ADAMTS7: variants seen among roughly 807,000 people sequenced by gnomAD.
ADAMTS7 encodes the protein ADAM metallopeptidase with thrombospondin type 1 motif 7, also known as A disintegrin and metalloproteinase with thrombospondin motifs 7.
In ADAMTS7, 89 loss-of-function variants were observed where a neutral mutation model predicts 172.6. The observed-to-expected ratio is 0.52, with a 90% CI of 0.43 to 0.61. The LOEUF is 0.61. Among genes scored for constraint, ADAMTS7 ranks in the 20% least tolerant of loss-of-function variants. The probability of loss-of-function intolerance (pLI) is 0.00; values close to 1 mark genes in which losing one functional copy is unlikely to be tolerated. For synonymous variants in ADAMTS7, 885 were observed against 978.4 expected (o/e 0.90, Z 1.78); for missense variants, 1,973 against 2,355.6 (o/e 0.84, Z 3.36).
intron 1 of ADAMTS7, among the ~76,000 whole-genome samples, chr15:78,808,299 C>T (rs964657223): frequency 6.6e-6 from 1 of 152,120 alleles, no homozygotes; most frequent in Non-Finnish European, 1.5e-5. Context: ...TGCAGTGGTG[C>T]GATCTCGGCT....
In ADAMTS7 at chr15:78,788,238, A is replaced by G; in HGVS notation, c.1315T>C (p.Phe439Leu). The change falls in exon 8 of 24, where the codon TTC (phenylalanine) becomes CTC (leucine). Residue 439 changes from phenylalanine to leucine, a missense_variant. Physicochemically the swap from Phe to Leu is conservative, Grantham distance 22. Coordinates refer to ENST00000388820, the MANE Select transcript of ADAMTS7 (RefSeq NM_014272.5). ...CAGGGCTGGGGGACTTACTCAAGGA[A>G]CCTGGTGATATACTGGCGGCTGCAG... ...SRCSRQYITR[F>L]LDRGWGLCLD... is the part of the protein sequence containing the mutation. The G allele has an allele frequency of 6.2e-7, 1 of 1,613,542 alleles. No individual in the cohort carries two copies. Among genetic ancestry groups the G allele is most frequent in the Non-Finnish European group, 8.5e-7 (1 of 1,179,960 alleles).
chr15:78,803,293 G>A (rs1273678628), intron 1 of ADAMTS7, among the ~76,000 whole-genome samples: 1 of 152,010 alleles, frequency 6.6e-6, no homozygotes, highest in Non-Finnish European at 1.5e-5. Flanking sequence ...CCAGGAGGTC[G>A]AGGCTGCAGT....
intron 8 of ADAMTS7, among the ~76,000 whole-genome samples, chr15:78,786,964 T>C (rs2055510152): frequency 6.6e-6 from 1 of 152,162 alleles, no homozygotes; most frequent in African/African-American, 2.4e-5. Flanking sequence ...ACTTAATGAA[T>C]ATCCACTTCC....
rs1012873436 is a variant in ADAMTS7 at position 78,763,684 on chromosome 15, C to T, written c.4740+15G>A. The T allele has an allele frequency of 1.7e-5, 26 of 1,520,222 alleles. No homozygotes were observed. Among genetic ancestry groups the T allele is most frequent in the East Asian group, 6.8e-5 (3 of 43,990 alleles). 94.2% of individuals were successfully genotyped at this position (1,520,222 alleles called of 1,614,324 possible). ...CAAGCACTTGCTCCCTGCTCCTCCC[C>T]GCAGCCCGGCTCACCTGGCCCCAGG... On this transcript the variant is annotated intron_variant, in intron 22 of 23. Transcript: ENST00000388820.
chr15:78,770,974 A>C, intron 16 of ADAMTS7, 188 bp downstream of exon 16: 1 of 789,944 alleles, frequency 1.3e-6, no homozygotes, highest in South Asian at 1.8e-5. Context: ...TGCCTCATCC[A>C]TGTACCCTCC....
chr15:78,787,558 G>A (rs1244165168), intron 8 of ADAMTS7, among the ~76,000 whole-genome samples: 1 of 152,154 alleles, frequency 6.6e-6, no homozygotes, highest in Non-Finnish European at 1.5e-5. Flanking sequence ...CAGCTACTCA[G>A]GAGGCTGAGG....
chr15:78,788,786 G>C (rs898505370), intron 7 of ADAMTS7, among the ~76,000 whole-genome samples: 4 of 152,226 alleles, frequency 2.6e-5, no homozygotes, highest in African/African-American at 9.7e-5. Context: ...TGAGTTAAGG[G>C]ATCTGAGCTG....
In ADAMTS7 at chr15:78,789,785, T is replaced by C. The variant is rs763029887; in HGVS notation, c.1082A>G (p.His361Arg). Residue 361 changes from histidine (H) to arginine (R), a missense_variant, in exon 7 of 24, where the codon CAT becomes CGT. Transcript: ENST00000388820. ...NRPCETLGLSHVAGMCQPHRS... is the reference protein window; with the variant it reads ...NRPCETLGLSRVAGMCQPHRS... ...GTGCGGCTGGCACATGCCCGCCACATGGGACAGTCCCAGGGTCTCACAGGG... is the reference window on the plus strand; with the variant it reads ...GTGCGGCTGGCACATGCCCGCCACACGGGACAGTCCCAGGGTCTCACAGGG... The C allele has an allele frequency of 1.2e-6, 2 of 1,609,740 alleles. No homozygotes were observed. The highest frequency in any genetic ancestry group is 1.7e-4 in the Middle Eastern group (1 of 6,022).
chr15:78,784,599 T>C lies in ADAMTS7; in HGVS notation c.1322+3632A>G, dbSNP rs558624243. 1.5e-3 allele frequency among the ~76,000 whole-genome samples: 224 copies of C among 152,226 alleles called. 1 individual carries two copies. The South Asian group carries it at 0.018, about 12-fold the overall frequency. ...TCAAGAACTGAAGGGCACAAGTTTC[T>C]AGATTAAAACAGTCCAATGAGTGCT... On this transcript the variant is annotated intron_variant, in intron 8 of 23. Transcript: ENST00000388820.
At chr15:78,762,275 G>A (rs2055057178) in intron 23 of ADAMTS7, 128 bp downstream of exon 23, 3 of 1,173,382 alleles carry the variant, frequency 2.6e-6, no homozygotes, top group Admixed American at 8.3e-5. Context: ...TGGCCATGTG[G>A]CTCCTGAGCC....
At position 78,774,276 on chromosome 15, in the gene ADAMTS7, C is replaced by T. The variant is rs781103969; in HGVS notation, c.1901G>A (p.Arg634Gln). Residue 634 changes from arginine to glutamine, a missense_variant, in exon 13 of 24, where the codon CGG becomes CAG. By Grantham distance (43) the Arg-to-Gln change is conservative. Around this residue, in one of 8 missense-constraint regions of ADAMTS7, gnomAD observed 526 missense variants for 662.9 expected, o/e 0.79. Coordinates refer to ENST00000388820, the MANE Select transcript of ADAMTS7 (RefSeq NM_014272.5). ...CTCGGCAAAGTACTCATTCGCGGGC[C>T]GGCAGTGCAGCTCGCAGGGGTTCAC... Reference protein sequence around the residue: ...NDVNPCELHCRPANEYFAEKL... With the variant: ...NDVNPCELHCQPANEYFAEKL... 1.8e-5 allele frequency: 28 copies of T among 1,575,800 alleles called. No homozygotes were observed. Among genetic ancestry groups the T allele is most frequent in the East Asian group, 4.5e-5 (2 of 44,136 alleles).
At position 78,796,755 on chromosome 15, in the gene ADAMTS7, A is replaced by C. The variant is rs145126404; in HGVS notation, c.654T>G (p.Arg218=). Residue 218 remains arginine, a synonymous_variant, in exon 4 of 24, where the codon CGT becomes CGG. Transcript: ENST00000388820. ...VYPELESRRE[R]WEQRQQWRRP... ...GCCGCCACTGCTGCCGCTGCTCCCA[A>C]CGCTCCCGTCGAGACTCCAGCTCTG... The C allele has an allele frequency of 1.2e-6, 2 of 1,611,778 alleles. No homozygotes were observed. The highest frequency in any genetic ancestry group is 2.7e-5 in the African/African-American group (2 of 74,880).
chr15:78,800,724 C>G (rs1240336036), intron 1 of ADAMTS7, among the ~76,000 whole-genome samples, 177 bp from the exon 2 acceptor site: 1 of 152,220 alleles, frequency 6.6e-6, no homozygotes, highest in Non-Finnish European at 1.5e-5. Flanking sequence ...CTCAGTTTCT[C>G]CATCTGGATC....
intron 9 of ADAMTS7, chr15:78,777,200 G>A (rs2055360237): frequency 5.0e-6 from 3 of 601,992 alleles, no homozygotes; most frequent in Admixed American, 6.1e-5. Context: ...CTCCAGAGAG[G>A]CGAAGGGACT....
chr15:78,770,571 T>G (rs1596178462), intron 16 of ADAMTS7: 10 of 65,188 alleles, frequency 1.5e-4, no homozygotes, highest in Non-Finnish European at 2.0e-4. Context: ...GACTGAGGGG[T>G]GTGGCGGGGG....
At chr15:78,789,988 G>T (rs559843627) in intron 6 of ADAMTS7, 150 bp from the exon 7 acceptor site, 1 of 1,146,180 alleles carries the variant, frequency 8.7e-7, no homozygotes, top group Non-Finnish European at 1.2e-6. Flanking sequence ...CACGGTGGCC[G>T]CTTGGGAAGC....
chr15:78,765,148 T>A, intron 19 of ADAMTS7: 1 of 204,690 alleles, frequency 4.9e-6, no homozygotes, highest in Non-Finnish European at 9.8e-6. Context: ...AAATTAGGGA[T>A]CTGAACAGAA....
At chr15:78,773,875 T>C (rs1200058053) in intron 13 of ADAMTS7, among the ~76,000 whole-genome samples, 1 of 152,190 alleles carries the variant, frequency 6.6e-6, no homozygotes, top group Non-Finnish European at 1.5e-5. Context: ...GGGGCGGTGC[T>C]GGTGCAGGCA....
Position 78,765,776 on chromosome 15 carries a change from A to C in ADAMTS7, c.4135T>G (p.Trp1379Gly). 1.2e-6 allele frequency: 2 copies of C among 1,608,894 alleles called. No individual in the cohort carries two copies. Among genetic ancestry groups the C allele is most frequent in the Non-Finnish European group, 1.7e-6 (2 of 1,179,430 alleles). The change falls in exon 19 of 24, where the codon TGG becomes GGG. Residue 1379 changes from tryptophan to glycine, a missense_variant. Transcript: ENST00000388820. Reference protein sequence around the residue: ...LSSRLLSTPAWDSPANSHRVP... With the variant: ...LSSRLLSTPAGDSPANSHRVP... ...CTGTGGCTGTTGGCGGGGCTGTCCC[A>C]AGCTGGTGTGGACAGCAGCCTAGAG...
Sources: allele counts gnomAD v4.1 joint callset (sites outside exome capture counted in the v4.1 genomes callset), GRCh38; gene constraint gnomAD v4.1.1; regional missense constraint gnomAD v4.1.1; transcripts MANE v1.5; gene names NCBI Gene and HGNC (gene_info 2026-07-23, HGNC 2026-07-21).